PECAM1: variants seen among roughly 807,000 people sequenced by gnomAD.
The protein encoded by PECAM1 is platelet and endothelial cell adhesion molecule 1, also known as platelet endothelial cell adhesion molecule.
Under a neutral mutation model 13.8 loss-of-function variants are expected in PECAM1, and 8 were observed. The observed-to-expected ratio is 0.58, with a 90% CI of 0.34 to 1.05. PECAM1 has a LOEUF of 1.05. PECAM1 is among the 50% of genes least tolerant of loss of function. The pLI is 0.03. For missense variants in PECAM1, 304 were observed against 141.2 expected (o/e 2.15, Z -5.84); for synonymous variants, 136 against 52.6 (o/e 2.58, Z -6.86).
rs1469609694 is a variant in PECAM1, at chr17:64,335,612, C to T, written c.2165-5890G>A. On this transcript the variant is annotated intron_variant, in intron 14 of 15. Coordinates refer to ENST00000563924, the MANE Select transcript of PECAM1 (RefSeq NM_000442.5). ...TCAGCCAGGCCCCCTGGGTTCAGTC[C>T]TTGCTCTGCCACTGGCTGTGGAACA... is the stretch of plus-strand genomic sequence containing the variant. Among the ~76,000 whole-genome samples the T allele has an allele frequency of 2.0e-5, 3 of 152,342 alleles. No homozygotes were observed. In the East Asian group the frequency reaches 5.8e-4, roughly 29 times the overall value.
intron 2 of PECAM1, among the ~76,000 whole-genome samples, chr17:64,383,934 C>T (rs2036537224): frequency 6.6e-6 from 1 of 152,086 alleles, no homozygotes; most frequent in African/African-American, 2.4e-5. Context: ...GAGTTCGAGA[C>T]CCGCTGGCCA....
At chr17:64,347,316 G>A (rs1654725997) in intron 13 of PECAM1, among the ~76,000 whole-genome samples, 3 of 151,550 alleles carry the variant, frequency 2.0e-5, no homozygotes, top group Admixed American at 2.0e-4. Context: ...TCAGAAGTTC[G>A]AGTTCACGCT....
chr17:64,322,627 C>T lies in PECAM1; in HGVS notation c.*1189G>A. 2 of 985,356 alleles carry T rather than the reference C, an allele frequency of 2.0e-6. No homozygotes were observed. The highest frequency in any genetic ancestry group is 1.7e-5 in the African/African-American group (1 of 57,354). 61.0% of individuals were successfully genotyped at this position (985,356 alleles called of 1,614,324 possible). A position where few individuals can be genotyped will look rare whatever the true frequency, so the allele number is the denominator to read the frequency against. ...GGTTCTCATCTGTGAAATTCCACAG[C>T]GCAATGACAGCAGCCTCTCTCCCAC... On this transcript the variant is annotated 3_prime_UTR_variant, in exon 16 of 16. Transcript: ENST00000563924.
intron 13 of PECAM1, among the ~76,000 whole-genome samples, chr17:64,347,866 G>C (rs1209100449): frequency 6.6e-6 from 1 of 151,174 alleles, no homozygotes; most frequent in Non-Finnish European, 1.5e-5. Context: ...GAGTAGCTGG[G>C]ATTACAGGTG....
chr17:64,335,953 T>C (rs2143707684), intron 14 of PECAM1, among the ~76,000 whole-genome samples: 1 of 151,974 alleles, frequency 6.6e-6, no homozygotes, highest in East Asian at 1.9e-4. Flanking sequence ...CTGGGGATGG[T>C]TATGATGATG....
intron 4 of PECAM1, among the ~76,000 whole-genome samples, chr17:64,372,704 T>C (rs2036268478): frequency 6.6e-6 from 1 of 151,866 alleles, no homozygotes; most frequent in South Asian, 2.1e-4. Context: ...GGTTTCACCA[T>C]GCTGGCCAGG....
chr17:64,361,558 A>G (rs2035980637), intron 6 of PECAM1, among the ~76,000 whole-genome samples: 1 of 151,924 alleles, frequency 6.6e-6, no homozygotes, highest in African/African-American at 2.4e-5. Context: ...CTTTAAGACC[A>G]GCCTGACCAA....
chr17:64,357,736 C>T (rs1350364345), intron 7 of PECAM1, among the ~76,000 whole-genome samples: 2 of 152,174 alleles, frequency 1.3e-5, no homozygotes, highest in African/African-American at 4.8e-5. Context: ...TGTGAGTTTC[C>T]ATTGGAGCAA....
intron 4 of PECAM1, among the ~76,000 whole-genome samples, chr17:64,374,403 C>T (rs1053779614): frequency 1.3e-4 from 20 of 151,926 alleles, no homozygotes; most frequent in Non-Finnish European, 2.4e-4. Flanking sequence ...GCAGGAGAAT[C>T]GCTTGAACCT....
At chr17:64,363,053 G>T in intron 6 of PECAM1, 96 bp downstream of exon 6, 1 of 470,226 alleles carries the variant, frequency 2.1e-6, no homozygotes. Flanking sequence ...TACCCTGCCT[G>T]AGTCTGCTCA....
chr17:64,345,569 C>T (rs1475993507), intron 13 of PECAM1, among the ~76,000 whole-genome samples: 3 of 151,668 alleles, frequency 2.0e-5, no homozygotes, highest in East Asian at 1.9e-4. Context: ...AAAAATTAGC[C>T]GGGGATGGTG....
chr17:64,322,140 A>T lies in PECAM1; in HGVS notation c.*1676T>A. On this transcript the variant is annotated 3_prime_UTR_variant, in exon 16 of 16. Transcript: ENST00000563924. ...ATCCCAACCCAAAGGCCTGTGGAGC[A>T]CACATGAGGACAAGGCGGGCAGATC... 3.1e-6 allele frequency: 3 copies of T among 967,586 alleles called. No individual in the cohort carries two copies. Among genetic ancestry groups the T allele is most frequent in the Non-Finnish European group, 3.8e-6 (3 of 791,788 alleles). 59.9% of individuals were successfully genotyped at this position (967,586 alleles called of 1,614,324 possible). A position where few individuals can be genotyped will look rare whatever the true frequency, so the allele number is the denominator to read the frequency against.
chr17:64,357,661 G>GC (rs1178308585), intron 7 of PECAM1, among the ~76,000 whole-genome samples: 6 of 152,136 alleles, frequency 3.9e-5, no homozygotes, highest in African/African-American at 1.4e-4. Context: ...CCAGCTGTCT[G>GC]CCCTAAGCCT....
At chr17:64,390,140 G>T (rs12941127) in intron 2 of PECAM1, 111,420 of 271,198 alleles carry the variant, frequency 0.41, 23,872 homozygotes, top group Non-Finnish European at 0.45. Context: ...CAATTACTTT[G>T]CAACAACCTA....
At chr17:64,381,726 G>C (rs1228604292) in intron 2 of PECAM1, among the ~76,000 whole-genome samples, 5 of 152,178 alleles carry the variant, frequency 3.3e-5, no homozygotes, top group Admixed American at 3.3e-4. Flanking sequence ...ATTACTCTTT[G>C]GAACTCCCTT....
chr17:64,352,356 G>T, intron 11 of PECAM1, 34 bp downstream of exon 11: 1 of 474,000 alleles, frequency 2.1e-6, no homozygotes, highest in South Asian at 6.8e-5. Context: ...GCAAGTTGGG[G>T]GAAATTAGAA....
chr17:64,370,734 A>G (rs1030429377), intron 4 of PECAM1, among the ~76,000 whole-genome samples: 1 of 152,210 alleles, frequency 6.6e-6, no homozygotes, highest in Non-Finnish European at 1.5e-5. Context: ...CAACCAGGGC[A>G]TAGGATCTTC....
At chr17:64,342,081 C>T (rs1167266701) in intron 13 of PECAM1, among the ~76,000 whole-genome samples, 3 of 151,076 alleles carry the variant, frequency 2.0e-5, no homozygotes, top group Non-Finnish European at 4.4e-5. Flanking sequence ...ACCCAGGATG[C>T]AGAGGTTGCA....
At chr17:64,344,837 GCCC>G (rs1351506856) in intron 13 of PECAM1, among the ~76,000 whole-genome samples, 1 of 151,918 alleles carries the variant, frequency 6.6e-6, no homozygotes. Context: ...GCTCTCCATT[GCCC>G]CCAAGTGACC....
Sources: gnomAD v4.1 joint callset for allele counts (sites outside exome capture counted in the v4.1 genomes callset) on GRCh38, gnomAD v4.1.1 for gene constraint, MANE v1.5 for transcripts, NCBI Gene and HGNC (gene_info 2026-07-23, HGNC 2026-07-21) for gene names.